The following ARHGEF7 variants were observed in gnomAD, a reference collection of about 807,000 sequenced individuals.
ARHGEF7 encodes PAK-interacting exchange factor beta.
ARHGEF7 carries 33 observed loss-of-function variants against 109.8 expected under a neutral mutation model. The observed-to-expected ratio is 0.30, with a 90% confidence interval of 0.23 to 0.40. ARHGEF7 has a LOEUF of 0.40. Among genes scored for constraint, ARHGEF7 ranks in the 10% least tolerant of loss-of-function variants. ARHGEF7 has a pLI of 1.00. For missense variants in ARHGEF7, 938 were observed against 1,098.5 expected, an observed-to-expected ratio of 0.85 and a Z score of 2.07; for synonymous variants, 458 against 424.6, an observed-to-expected ratio of 1.08 and a Z score of -0.97.
intron 18 of ARHGEF7, among the ~76,000 whole-genome samples, chr13:111,288,695 T>C (rs1256554160): frequency 6.6e-6 from 1 of 152,210 alleles, no homozygotes; most frequent in African/African-American, 2.4e-5. Flanking sequence ...CTAGGAAATA[T>C]TTAAATAGAA....
chr13:111,265,660 C>T (rs1286051831), intron 8 of ARHGEF7: 1 of 456,582 alleles, frequency 2.2e-6, no homozygotes. Flanking sequence ...GAATGTGTTT[C>T]CCCAGATCAT....
At chr13:111,270,825 A>C (rs1446373175) in intron 9 of ARHGEF7, among the ~76,000 whole-genome samples, 1 of 152,234 alleles carries the variant, frequency 6.6e-6, no homozygotes, top group African/African-American at 2.4e-5. Flanking sequence ...TCCAACACCT[A>C]GAGAATTGTT....
At chr13:111,293,561 C>T (rs1169053171) in intron 19 of ARHGEF7, 1 of 985,186 alleles carries the variant, frequency 1.0e-6, no homozygotes, top group East Asian at 1.1e-4. Flanking sequence ...TCAGTTGTAG[C>T]ATCAAATCCA....
intron 2 of ARHGEF7, among the ~76,000 whole-genome samples, chr13:111,202,478 A>G (rs2081317462): frequency 6.6e-6 from 1 of 152,188 alleles, no homozygotes; most frequent in Non-Finnish European, 1.5e-5. Flanking sequence ...TTCCAAAAGG[A>G]GGCCTGGAGA....
At position 111,115,491 on chromosome 13, in the gene ARHGEF7, G is replaced by A. The variant is rs1190766667; in HGVS notation, c.-36G>A. 3.3e-6 allele frequency: 4 copies of A among 1,194,328 alleles called. No homozygotes were observed. Among genetic ancestry groups the A allele is most frequent in the Admixed American group, 2.9e-5 (1 of 34,804 alleles). 74.0% of individuals were successfully genotyped at this position (1,194,328 alleles called of 1,614,324 possible). A position where few individuals can be genotyped will look rare whatever the true frequency, so the allele number is the denominator to read the frequency against. ...CGGGCCGCCGCTCCGAGGTGAAGGC[G>A]CGCGCCCCTCCCCGCCTGCCTCCCG... On this transcript the variant is annotated 5_prime_UTR_variant, in exon 1 of 22. Coordinates refer to ENST00000646102, the MANE Select transcript of ARHGEF7 (RefSeq NM_001354046.2).
intron 2 of ARHGEF7, among the ~76,000 whole-genome samples, chr13:111,156,086 A>C (rs1220859275): frequency 1.4e-5 from 1 of 73,912 alleles, no homozygotes; most frequent in Non-Finnish European, 3.1e-5. Context: ...CCCTCAAAAA[A>C]AAAAAAAAAA....
At position 111,115,521 on chromosome 13, in the gene ARHGEF7, G is replaced by A. The variant is rs376276312; in HGVS notation, c.-6G>A. 3 of 1,320,274 alleles carry A rather than the reference G, an allele frequency of 2.3e-6. No individual in the cohort carries two copies. Among genetic ancestry groups the A allele is most frequent in the Admixed American group, 2.3e-5 (1 of 43,940 alleles). The allele number at this position is 1,320,274 out of a possible 1,614,324, so 81.8% of individuals were successfully genotyped here. A position where few individuals can be genotyped will look rare whatever the true frequency, so the allele number is the denominator to read the frequency against. ...CCCCTCCCCGCCTGCCTCCCGGGCC[G>A]CAGCGATGAATTCCGCCGAGCAAAC... On this transcript the variant is annotated 5_prime_UTR_variant, in exon 1 of 22. Transcript: ENST00000646102.
At chr13:111,238,744 A>G (rs1326572413) in intron 6 of ARHGEF7, among the ~76,000 whole-genome samples, 1 of 151,894 alleles carries the variant, frequency 6.6e-6, no homozygotes, top group East Asian at 1.9e-4. Flanking sequence ...CGGGGGGATG[A>G]GGAGCACCCC....
Position 111,283,150 on chromosome 13 carries a change from C to T in ARHGEF7, c.1737C>T (p.His579=). The T allele has an allele frequency of 6.3e-7, 1 of 1,588,164 alleles. No individual in the cohort carries two copies. Among genetic ancestry groups the T allele is most frequent in the Non-Finnish European group, 8.6e-7 (1 of 1,167,646 alleles). Residue 579 remains histidine, a synonymous_variant, in exon 16 of 22, where the codon CAC becomes CAT. Coordinates refer to ENST00000646102, the MANE Select transcript of ARHGEF7 (RefSeq NM_001354046.2). Reference sequence around the variant, plus strand: ...TGTGCCCTTGGCAGCTCCCCTCCCACCCGGTCACTCCGTCCAGCAAGCACG... The same window carrying T: ...TGTGCCCTTGGCAGCTCCCCTCCCATCCGGTCACTCCGTCCAGCAAGCACG... The part of the protein sequence containing the change: ...HSVPSHTLPS[H]PVTPSSKHAD...
chr13:111,154,069 C>A (rs1349681427), intron 2 of ARHGEF7, 78 bp downstream of exon 2: 14 of 1,389,436 alleles, frequency 1.0e-5, no homozygotes, highest in Non-Finnish European at 1.2e-5. Context: ...TCGCTCCAGC[C>A]GGACCTCCTG....
At chr13:111,277,997 T>C (rs2092583717) in intron 13 of ARHGEF7, among the ~76,000 whole-genome samples, 1 of 152,248 alleles carries the variant, frequency 6.6e-6, no homozygotes, top group Non-Finnish European at 1.5e-5. Context: ...ATGGTTTTAT[T>C]CTGTGAAATT....
At chr13:111,281,463 T>C (rs1484049729) in intron 15 of ARHGEF7, among the ~76,000 whole-genome samples, 1 of 152,222 alleles carries the variant, frequency 6.6e-6, no homozygotes, top group Non-Finnish European at 1.5e-5. Context: ...TTCTTCTTCA[T>C]GTGAAGGTTG....
intron 1 of ARHGEF7, among the ~76,000 whole-genome samples, chr13:111,133,762 T>C (rs2074915303): frequency 1.2e-5 from 1 of 81,644 alleles, no homozygotes; most frequent in Non-Finnish European, 2.3e-5. Flanking sequence ...TCTGCTTTTC[T>C]TTATATATAT....
chr13:111,153,855 G>C, intron 1 of ARHGEF7, 50 bp from the exon 2 acceptor site: 1 of 1,573,704 alleles, frequency 6.4e-7, no homozygotes, highest in South Asian at 1.1e-5. Flanking sequence ...CTTGTCCGCG[G>C]CGTCCCCGCT....
At chr13:111,116,913 G>C (rs187612697) in intron 1 of ARHGEF7, among the ~76,000 whole-genome samples, 2 of 152,286 alleles carry the variant, frequency 1.3e-5, no homozygotes, top group Admixed American at 1.3e-4. Flanking sequence ...GCATATTAGA[G>C]TGAATGGCTG....
At chr13:111,283,023 A>C in intron 15 of ARHGEF7, 116 bp from the exon 16 acceptor site, 1 of 1,272,970 alleles carries the variant, frequency 7.9e-7, no homozygotes, top group Non-Finnish European at 1.1e-6. Context: ...ATAAATCCTG[A>C]GGTTTATTTC....
chr13:111,153,942 G>A lies in ARHGEF7; in HGVS notation c.203G>A (p.Ser68Asn). The A allele has an allele frequency of 1.2e-6, 2 of 1,605,812 alleles. No individual in the cohort carries two copies. Among genetic ancestry groups the A allele is most frequent in the Non-Finnish European group, 1.7e-6 (2 of 1,177,426 alleles). ...CCCCGGAGCGAGAGCGAGTGCCTGA[G>A]CAACATCCGCGAGTTCCTGCGCGGC... ...PEPRSESECLSNIREFLRGCG... is the reference protein window; with the variant it reads ...PEPRSESECLNNIREFLRGCG... The change falls in exon 2 of 22, where the codon AGC (serine) becomes AAC (asparagine). Residue 68 changes from serine (S) to asparagine (N), a missense_variant. This residue lies in a region of ARHGEF7 where 165 missense variants were observed against 125.8 expected (regional missense o/e 1.31). Coordinates refer to ENST00000646102, the MANE Select transcript of ARHGEF7 (RefSeq NM_001354046.2).
At chr13:111,166,983 G>A (rs937827925) in intron 2 of ARHGEF7, among the ~76,000 whole-genome samples, 1 of 152,144 alleles carries the variant, frequency 6.6e-6, no homozygotes, top group African/African-American at 2.4e-5. Context: ...TGAAGGGCTG[G>A]GGGAGGAAGT....
chr13:111,210,127 G>A (rs1054160871), intron 4 of ARHGEF7, 125 bp downstream of exon 4: 11 of 1,274,434 alleles, frequency 8.6e-6, no homozygotes, highest in South Asian at 3.0e-5. Flanking sequence ...GCTGGACTTC[G>A]CCTCCGTTGT....
Sources: gnomAD v4.1 joint callset for allele counts (sites outside exome capture counted in the v4.1 genomes callset) on GRCh38, gnomAD v4.1.1 for gene constraint, gnomAD v4.1.1 regional missense constraint, MANE v1.5 for transcripts, NCBI Gene and HGNC (gene_info 2026-07-23, HGNC 2026-07-21) for gene names.